Variants in PCDH9 observed in about 807,000 individuals in gnomAD.
The protein encoded by PCDH9 is protocadherin 9.
In PCDH9, 24 loss-of-function variants were observed where a neutral mutation model predicts 70.6. The observed-to-expected ratio is 0.34, with a 90% CI of 0.25 to 0.48. The LOEUF is 0.48. PCDH9 is among the 20% of genes least tolerant of loss of function. The pLI is 0.99. For missense variants in PCDH9, 1,281 were observed against 1,503.6 expected (o/e 0.85, Z 2.45); for synonymous variants, 562 against 558.5 (o/e 1.01, Z -0.09).
chr13:66,670,233 A>G (rs1481941356), intron 3 of PCDH9, among the ~76,000 whole-genome samples: 1 of 152,226 alleles, frequency 6.6e-6, no homozygotes, highest in Non-Finnish European at 1.5e-5. Flanking sequence ...ATTCTGCAAC[A>G]TAATAGGTTT....
At chr13:66,705,026 T>C (rs1333535837) in intron 3 of PCDH9, among the ~76,000 whole-genome samples, 1 of 152,136 alleles carries the variant, frequency 6.6e-6, no homozygotes, top group African/African-American at 2.4e-5. Flanking sequence ...ATTTTAATGT[T>C]CCATAAAATT....
chr13:66,951,132 G>A (rs146596093), intron 2 of PCDH9, among the ~76,000 whole-genome samples: 1 of 152,240 alleles, frequency 6.6e-6, no homozygotes, highest in Non-Finnish European at 1.5e-5. Flanking sequence ...CGTACAAATA[G>A]ATCATTAACA....
intron 2 of PCDH9, among the ~76,000 whole-genome samples, chr13:67,192,290 GAA>G (rs925021444): frequency 4.6e-5 from 7 of 152,040 alleles, no homozygotes; most frequent in African/African-American, 1.7e-4. Flanking sequence ...ATAATTAAGT[GAA>G]AAGTGTTAAA....
chr13:66,669,223 C>T (rs9540865), intron 3 of PCDH9, among the ~76,000 whole-genome samples: 61,807 of 151,970 alleles, frequency 0.41, 13,284 homozygotes, highest in East Asian at 0.57. Context: ...GTAAAGCTAA[C>T]GCTACCTATC....
At chr13:66,610,428 T>C (rs9540840) in intron 4 of PCDH9, among the ~76,000 whole-genome samples, 20,175 of 152,074 alleles carry the variant, frequency 0.13, 1,578 homozygotes, top group Middle Eastern at 0.22. Context: ...CTTTATACCC[T>C]TTTGAACAAT....
intron 2 of PCDH9, among the ~76,000 whole-genome samples, chr13:67,085,122 T>G (rs983060098): frequency 3.3e-5 from 5 of 150,040 alleles, no homozygotes; most frequent in African/African-American, 1.2e-4. Context: ...GTCAAATATT[T>G]GAAAATTTCA....
chr13:66,542,297 G>A lies in PCDH9; in HGVS notation c.3340+88913C>T, dbSNP rs142683905. Among the ~76,000 whole-genome samples the A allele has an allele frequency of 1.4e-4, 21 of 152,232 alleles. No homozygotes were observed. The East Asian group carries it at 3.9e-3, about 28-fold the overall frequency. On this transcript the variant is annotated intron_variant, in intron 4 of 4. Transcript: ENST00000377865. ...TAAAGCATGTTATAGTTACTTTAAT[G>A]TGTTGACTTGACTAGGCTATAGCAC... is the stretch of plus-strand genomic sequence containing the variant.
At chr13:67,124,472 G>A (rs1279379532) in intron 2 of PCDH9, among the ~76,000 whole-genome samples, 1 of 152,110 alleles carries the variant, frequency 6.6e-6, no homozygotes, top group East Asian at 1.9e-4. Flanking sequence ...ACAATCTTGT[G>A]GATTAGAAAG....
chr13:67,092,853 A>C (rs2086245034), intron 2 of PCDH9, among the ~76,000 whole-genome samples: 1 of 152,158 alleles, frequency 6.6e-6, no homozygotes, highest in African/African-American at 2.4e-5. Flanking sequence ...TCAGTTTCTC[A>C]CGTTGGCTTA....
intron 4 of PCDH9, among the ~76,000 whole-genome samples, chr13:66,548,868 A>G (rs559998085): frequency 6.6e-6 from 1 of 152,252 alleles, no homozygotes; most frequent in Non-Finnish European, 1.5e-5. Flanking sequence ...TTTTAATTTG[A>G]TTAAAAATGC....
intron 2 of PCDH9, among the ~76,000 whole-genome samples, chr13:67,052,633 G>A (rs548715746): frequency 1.3e-5 from 2 of 151,428 alleles, no homozygotes; most frequent in East Asian, 3.9e-4. Context: ...GTAGGAGGGA[G>A]GTGCAGCCAT....
intron 3 of PCDH9, among the ~76,000 whole-genome samples, chr13:66,733,698 T>G (rs1440659983): frequency 3.3e-5 from 5 of 149,862 alleles, no homozygotes. Context: ...TTTACGACAT[T>G]AACACTTTGA....
chr13:67,083,119 C>T lies in PCDH9; in HGVS notation c.3036+142286G>A, dbSNP rs114066357. On this transcript the variant is annotated intron_variant, in intron 2 of 4. Transcript: ENST00000377865. Reference sequence around the variant, plus strand: ...ACTGGATAAGATTAAATAAAATAACCGTATAAAAAGTATAGTTAATCTCTG... The same window carrying T: ...ACTGGATAAGATTAAATAAAATAACTGTATAAAAAGTATAGTTAATCTCTG... 7.9e-3 allele frequency among the ~76,000 whole-genome samples: 1,194 copies of T among 151,940 alleles called. 20 individuals carry two copies. Among genetic ancestry groups the T allele is most frequent in the African/African-American group, 0.026 (1,096 of 41,470 alleles).
intron 3 of PCDH9, among the ~76,000 whole-genome samples, chr13:66,736,442 C>T (rs962108019): frequency 6.6e-6 from 1 of 152,148 alleles, no homozygotes; most frequent in Non-Finnish European, 1.5e-5. Context: ...AGGAGAGAGA[C>T]CTGGAGAAAC....
intron 2 of PCDH9, among the ~76,000 whole-genome samples, chr13:67,127,676 A>ATGTGTGTGTGTGTGTG (rs142545550): frequency 4.8e-5 from 7 of 145,488 alleles, no homozygotes; most frequent in African/African-American, 7.7e-5. Flanking sequence ...ATATATATAT[A>ATGTGTGTGTGTGTGTG]TGTGTGTGTG....
intron 2 of PCDH9, among the ~76,000 whole-genome samples, chr13:66,933,634 G>T (rs2139666668): frequency 6.6e-6 from 1 of 152,206 alleles, no homozygotes; most frequent in East Asian, 1.9e-4. Context: ...GATATTTTTA[G>T]TTGTTCCTTT....
intron 3 of PCDH9, among the ~76,000 whole-genome samples, chr13:66,659,361 T>TA (rs1451054848): frequency 6.6e-6 from 1 of 152,162 alleles, no homozygotes; most frequent in Non-Finnish European, 1.5e-5. Context: ...CAAAAAGAGG[T>TA]AAAACACCAT....
At chr13:66,983,662 T>G (rs1380070991) in intron 2 of PCDH9, among the ~76,000 whole-genome samples, 2 of 152,116 alleles carry the variant, frequency 1.3e-5, no homozygotes, top group Non-Finnish European at 2.9e-5. Flanking sequence ...AAACTTTACT[T>G]CATAAACTCA....
chr13:67,127,676 A>G (rs61959409), intron 2 of PCDH9, among the ~76,000 whole-genome samples: 1,548 of 145,536 alleles, frequency 0.011, 10 homozygotes, highest in South Asian at 0.019. Flanking sequence ...ATATATATAT[A>G]TGTGTGTGTG....
Sources: gnomAD v4.1 joint callset for allele counts (sites outside exome capture counted in the v4.1 genomes callset) on GRCh38, gnomAD v4.1.1 for gene constraint, MANE v1.5 for transcripts, NCBI Gene and HGNC (gene_info 2026-07-23, HGNC 2026-07-21) for gene names.